The following TMEM135 variants were observed in gnomAD, a reference collection of about 807,000 sequenced individuals.
TMEM135 encodes transmembrane protein 135, also known as peroxisomal membrane protein 52.
TMEM135 carries 30 observed loss-of-function variants against 60.3 expected under a neutral mutation model. The observed-to-expected ratio is 0.50, with a 90% CI of 0.37 to 0.68. The LOEUF (loss-of-function observed/expected upper bound fraction) is 0.68. Ranked by LOEUF, TMEM135 falls within the 30% of genes least tolerant of loss-of-function variation. The probability of loss-of-function intolerance (pLI) is 0.00; values close to 1 mark genes in which losing one functional copy is unlikely to be tolerated. For missense variants in TMEM135, 468 were observed against 548.8 expected (o/e 0.85, Z 1.47); for synonymous variants, 190 against 186.7 (o/e 1.02, Z -0.14).
intron 1 of TMEM135, among the ~76,000 whole-genome samples, chr11:87,063,342 A>G (rs1476702467): frequency 6.6e-6 from 1 of 152,186 alleles, no homozygotes; most frequent in Non-Finnish European, 1.5e-5. Context: ...CTTTATATGC[A>G]TGTTTGAAAA....
chr11:87,133,031 G>A (rs1313275753), intron 4 of TMEM135, among the ~76,000 whole-genome samples: 1 of 152,090 alleles, frequency 6.6e-6, no homozygotes, highest in African/African-American at 2.4e-5. Flanking sequence ...AACTGAAAGG[G>A]CTAAGTGCTA....
intron 4 of TMEM135, among the ~76,000 whole-genome samples, chr11:87,106,307 T>C (rs1253079776): frequency 6.6e-6 from 1 of 152,144 alleles, no homozygotes; most frequent in Non-Finnish European, 1.5e-5. Flanking sequence ...TTTCACCATG[T>C]TGGCCAGGCT....
chr11:87,177,132 G>A (rs1939391820), intron 5 of TMEM135, among the ~76,000 whole-genome samples: 1 of 152,110 alleles, frequency 6.6e-6, no homozygotes, highest in African/African-American at 2.4e-5. Flanking sequence ...TAGGGCATTG[G>A]CTAACTCCAG....
chr11:87,201,995 GTT>G (rs1940106578), intron 5 of TMEM135, among the ~76,000 whole-genome samples: 2 of 118,126 alleles, frequency 1.7e-5, no homozygotes, highest in African/African-American at 7.7e-5. Context: ...GTTATGTTAT[GTT>G]ATGTTATGTT....
chr11:87,181,007 G>C (rs1449209031), intron 5 of TMEM135, among the ~76,000 whole-genome samples: 3 of 152,114 alleles, frequency 2.0e-5, no homozygotes, highest in African/African-American at 7.2e-5. Context: ...CTGGATGCTG[G>C]AATTATGACA....
intron 6 of TMEM135, among the ~76,000 whole-genome samples, chr11:87,276,029 A>T (rs918310137): frequency 1.3e-5 from 2 of 152,170 alleles, no homozygotes; most frequent in Admixed American, 1.3e-4. Context: ...GACCCCAACC[A>T]TGTAGCATGG....
At chr11:87,178,622 C>T (rs1939441797) in intron 5 of TMEM135, 1 of 406,094 alleles carries the variant, frequency 2.5e-6, no homozygotes, top group South Asian at 1.8e-5. Flanking sequence ...GACGGGATTT[C>T]ACCATGTTGG....
intron 1 of TMEM135, 125 bp from the exon 2 acceptor site, chr11:87,067,569 A>G: frequency 1.6e-6 from 2 of 1,251,864 alleles, no homozygotes; most frequent in South Asian, 1.3e-5. Context: ...TAGAAGATCC[A>G]GTGAAATGCC....
intron 4 of TMEM135, chr11:87,094,997 A>C (rs1857291406): frequency 5.9e-6 from 1 of 170,090 alleles, no homozygotes; most frequent in Non-Finnish European, 1.3e-5. Flanking sequence ...TACACCTTGG[A>C]TACCACTTAG....
chr11:87,327,826 T>G lies in TMEM135; in HGVS notation c.*6493T>G. On this transcript the variant is annotated 3_prime_UTR_variant, in exon 15 of 15. Transcript: ENST00000305494. ...CCCAAGGTTAGAGGATCTGGGGTCC[T>G]AATGTCCATGGGCAGTTGGAGAAGA... 2.2e-6 allele frequency: 1 copy of G among 454,044 alleles called. No homozygotes were observed. The highest frequency in any genetic ancestry group is 1.6e-5 in the South Asian group (1 of 64,470). The allele number at this position is 454,044 out of a possible 1,614,324, so 28.1% of individuals were successfully genotyped here.
intron 5 of TMEM135, among the ~76,000 whole-genome samples, chr11:87,203,877 C>T (rs1406630935): frequency 6.6e-6 from 1 of 152,114 alleles, no homozygotes; most frequent in East Asian, 1.9e-4. Flanking sequence ...TTTGGTGCTG[C>T]CAGTGTTCTG....
At chr11:87,121,630 T>C (rs960253290) in intron 4 of TMEM135, 3 of 148,094 alleles carry the variant, frequency 2.0e-5, no homozygotes, top group East Asian at 4.1e-4. Flanking sequence ...GACAATCATT[T>C]TGAATGTACT....
At chr11:87,270,210 A>C (rs1941836991) in intron 6 of TMEM135, among the ~76,000 whole-genome samples, 2 of 149,176 alleles carry the variant, frequency 1.3e-5, no homozygotes, top group African/African-American at 4.9e-5. Flanking sequence ...TTTTCTTGTA[A>C]ATTTGTTTGA....
At chr11:87,312,272 T>A (rs962408933) in intron 10 of TMEM135, among the ~76,000 whole-genome samples, 11 of 151,788 alleles carry the variant, frequency 7.2e-5, no homozygotes, top group Admixed American at 5.9e-4. Flanking sequence ...TTGCTTTAAT[T>A]TAGTGGCTGC....
intron 4 of TMEM135, among the ~76,000 whole-genome samples, chr11:87,097,634 C>T (rs1388898270): frequency 6.6e-6 from 1 of 152,164 alleles, no homozygotes; most frequent in Non-Finnish European, 1.5e-5. Flanking sequence ...GTTTCTCTGG[C>T]TTCCTTTTAC....
intron 6 of TMEM135, among the ~76,000 whole-genome samples, chr11:87,252,645 C>T (rs889303407): frequency 2.6e-5 from 4 of 151,866 alleles, no homozygotes; most frequent in Non-Finnish European, 5.9e-5. Context: ...GGGGCACATG[C>T]CTGTAATCCC....
At chr11:87,039,384 C>T (rs1457414291) in intron 1 of TMEM135, among the ~76,000 whole-genome samples, 2 of 152,120 alleles carry the variant, frequency 1.3e-5, no homozygotes, top group Non-Finnish European at 2.9e-5. Context: ...GGGCCTGAAC[C>T]TCTGCTTTCC....
chr11:87,103,491 TTTG>T (rs1555104163), intron 4 of TMEM135, among the ~76,000 whole-genome samples: 35 of 89,174 alleles, frequency 3.9e-4, no homozygotes, highest in African/African-American at 1.1e-3. Context: ...GTTTTTTTTT[TTTG>T]TTTGTTTTTT....
intron 5 of TMEM135, among the ~76,000 whole-genome samples, chr11:87,205,809 G>A (rs1940221457): frequency 6.6e-6 from 1 of 152,112 alleles, no homozygotes; most frequent in Non-Finnish European, 1.5e-5. Flanking sequence ...TTTTGAGTCT[G>A]TGCCACATTC....
Sources: allele counts gnomAD v4.1 joint callset (sites outside exome capture counted in the v4.1 genomes callset), GRCh38; gene constraint gnomAD v4.1.1; transcripts MANE v1.5; gene names NCBI Gene and HGNC (gene_info 2026-07-23, HGNC 2026-07-21).